The following ACER3 variants were observed in gnomAD, a reference collection of about 807,000 sequenced individuals.
The protein encoded by ACER3 is alkaline ceramidase 3.
Under a neutral mutation model 48.9 loss-of-function variants are expected in ACER3, and 16 were observed. That is an observed-to-expected ratio of 0.33 (90% CI 0.22 to 0.50). The LOEUF (loss-of-function observed/expected upper bound fraction) is 0.50. Among genes scored for constraint, ACER3 ranks in the 20% least tolerant of loss-of-function variants. ACER3 has a pLI of 0.98. For synonymous variants in ACER3, 109 were observed against 107.8 expected, an observed-to-expected ratio of 1.01 and a Z score of -0.07; for missense variants, 227 against 326.0, an observed-to-expected ratio of 0.70 and a Z score of 2.34.
At chr11:77,005,725 A>G (rs1229156521) in intron 7 of ACER3, among the ~76,000 whole-genome samples, 4 of 151,714 alleles carry the variant, frequency 2.6e-5, no homozygotes, top group Non-Finnish European at 4.4e-5. Flanking sequence ...TCACATAGCT[A>G]TCTTCTTATA....
intron 4 of ACER3, among the ~76,000 whole-genome samples, chr11:76,977,706 G>T (rs958463743): frequency 2.6e-5 from 4 of 152,188 alleles, no homozygotes; most frequent in Non-Finnish European, 5.9e-5. Context: ...TGCTGGTGGG[G>T]GCCGGGAACA....
chr11:77,007,849 T>C (rs1555021357), intron 7 of ACER3, among the ~76,000 whole-genome samples: 2 of 152,194 alleles, frequency 1.3e-5, no homozygotes, highest in African/African-American at 4.8e-5. Flanking sequence ...ATTCAGCCTT[T>C]GTTGCATGAG....
chr11:76,884,083 T>C (rs999540850), intron 1 of ACER3, among the ~76,000 whole-genome samples: 2 of 152,226 alleles, frequency 1.3e-5, no homozygotes, highest in African/African-American at 4.8e-5. Flanking sequence ...GGTAGTTGTT[T>C]GGTTTACAGC....
At position 76,918,259 on chromosome 11, in the gene ACER3, G is replaced by GTT. The variant is rs138666652; in HGVS notation, c.104-8289_104-8288dup. On this transcript the variant is annotated intron_variant, in intron 1 of 10. Transcript: ENST00000532485. Reference sequence around the variant, plus strand: ...TAAAGTAAGACACACTTGGTTTCCTGTTTTTTTTTTCTTCTGATATCTATC... The same window carrying GTT: ...TAAAGTAAGACACACTTGGTTTCCTGTTTTTTTTTTTTCTTCTGATATCTATC... Among the ~76,000 whole-genome samples, 238 of 148,286 alleles carry GTT rather than the reference G, an allele frequency of 1.6e-3. 2 individuals carry two copies. The highest frequency in any genetic ancestry group is 3.9e-4 in the Non-Finnish European group (26 of 66,824).
intron 6 of ACER3, among the ~76,000 whole-genome samples, chr11:76,996,455 G>T (rs996899387): frequency 6.6e-5 from 10 of 151,514 alleles, no homozygotes; most frequent in Non-Finnish European, 8.8e-5. Context: ...TCTTGCTCTT[G>T]TTGCCCAGGC....
At chr11:76,933,973 T>C (rs1163237173) in intron 2 of ACER3, among the ~76,000 whole-genome samples, 7 of 144,992 alleles carry the variant, frequency 4.8e-5, no homozygotes, top group African/African-American at 1.9e-4. Context: ...CTAGACGGGG[T>C]CGCGGCTGTG....
chr11:76,876,255 C>T (rs888600086), intron 1 of ACER3, among the ~76,000 whole-genome samples: 1 of 148,514 alleles, frequency 6.7e-6, no homozygotes, highest in East Asian at 2.0e-4. Context: ...TTCTTTCCAG[C>T]ACAACCACTG....
chr11:76,978,531 T>C (rs982252184), intron 4 of ACER3: 1 of 152,210 alleles, frequency 6.6e-6, no homozygotes, highest in African/African-American at 2.4e-5. Context: ...TCAATAAAGC[T>C]CCTTTCCACC....
chr11:76,947,449 C>A (rs535732838), intron 2 of ACER3, among the ~76,000 whole-genome samples: 2 of 152,162 alleles, frequency 1.3e-5, no homozygotes, highest in Non-Finnish European at 2.9e-5. Flanking sequence ...TAAAAGTCAT[C>A]TTAAGTGATC....
chr11:76,943,289 G>C (rs1341387269), intron 2 of ACER3, among the ~76,000 whole-genome samples: 1 of 151,954 alleles, frequency 6.6e-6, no homozygotes, highest in Non-Finnish European at 1.5e-5. Flanking sequence ...TTTTGATGTA[G>C]GGATTTAATG....
intron 3 of ACER3, among the ~76,000 whole-genome samples, 161 bp from the exon 4 acceptor site, chr11:76,976,128 C>T (rs1948437049): frequency 6.6e-6 from 1 of 152,130 alleles, no homozygotes; most frequent in Non-Finnish European, 1.5e-5. Context: ...TTCAAGCGAT[C>T]TTCCAACCTT....
intron 5 of ACER3, among the ~76,000 whole-genome samples, chr11:76,988,062 A>T (rs927920842): frequency 1.4e-4 from 22 of 152,224 alleles, no homozygotes; most frequent in African/African-American, 5.3e-4. Flanking sequence ...AAGCTAGGAG[A>T]GCCTGATGTC....
At chr11:76,924,976 A>AAAAAAAAC (rs1946784896) in intron 1 of ACER3, among the ~76,000 whole-genome samples, 1 of 123,816 alleles carries the variant, frequency 8.1e-6, no homozygotes, top group Non-Finnish European at 1.5e-5. Context: ...ACTCTGTCAA[A>AAAAAAAAC]AAAAAAAAAA....
intron 2 of ACER3, among the ~76,000 whole-genome samples, chr11:76,928,330 TG>T (rs1946892962): frequency 6.6e-6 from 1 of 152,216 alleles, no homozygotes; most frequent in South Asian, 2.1e-4. Context: ...CTTGTAAATT[TG>T]TTTGAGTTCT....
intron 1 of ACER3, among the ~76,000 whole-genome samples, chr11:76,864,425 T>C (rs1337826156): frequency 6.6e-6 from 1 of 152,196 alleles, no homozygotes; most frequent in Admixed American, 6.5e-5. Context: ...ACTCTCTTAC[T>C]GTTGGTTATG....
At chr11:76,991,476 T>TC (rs1948799278) in intron 6 of ACER3, among the ~76,000 whole-genome samples, 1 of 152,202 alleles carries the variant, frequency 6.6e-6, no homozygotes, top group Non-Finnish European at 1.5e-5. Flanking sequence ...CTTGCTTTTC[T>TC]CCAGGTCAGC....
chr11:76,904,118 C>G (rs1366298418), intron 1 of ACER3, among the ~76,000 whole-genome samples: 1 of 152,096 alleles, frequency 6.6e-6, no homozygotes, highest in Non-Finnish European at 1.5e-5. Flanking sequence ...TCCCAAGTAG[C>G]TAGGATTAGG....
At chr11:76,976,216 G>A (rs1355039359) in intron 3 of ACER3, 73 bp from the exon 4 acceptor site, 2 of 1,154,404 alleles carry the variant, frequency 1.7e-6, no homozygotes, top group East Asian at 4.7e-5. Flanking sequence ...TCATTTTGAT[G>A]TTTTATTTTG....
At chr11:77,016,854 G>A in intron 9 of ACER3, 75 bp downstream of exon 9, 1 of 698,788 alleles carries the variant, frequency 1.4e-6, no homozygotes, top group South Asian at 2.5e-5. Context: ...TAAATAGGAT[G>A]TAAATATTTT....
Sources: gnomAD v4.1 joint callset for allele counts (sites outside exome capture counted in the v4.1 genomes callset) on GRCh38, gnomAD v4.1.1 for gene constraint, MANE v1.5 for transcripts, NCBI Gene and HGNC (gene_info 2026-07-23, HGNC 2026-07-21) for gene names.